The following POTEF variants were observed in gnomAD, a reference collection of about 807,000 sequenced individuals.
The protein encoded by POTEF is POTE ankyrin domain family member F, also known as ANKRD26-like family C member 1B.
In POTEF, 20 loss-of-function variants were observed where a neutral mutation model predicts 83.2. The observed-to-expected ratio is 0.24, with a 90% CI of 0.17 to 0.35. The LOEUF is 0.35. Among genes scored for constraint, POTEF ranks in the 10% least tolerant of loss-of-function variants. The pLI, the probability that POTEF is intolerant of heterozygous loss-of-function variation, is 1.00. For synonymous variants in POTEF, 196 were observed against 446.4 expected, an observed-to-expected ratio of 0.44 and a Z score of 7.07; for missense variants, 550 against 1,203.2, an observed-to-expected ratio of 0.46 and a Z score of 8.03.
At chr2:130,126,438 G>C (rs1393856644) in intron 2 of POTEF, among the ~76,000 whole-genome samples, 1 of 151,990 alleles carries the variant, frequency 6.6e-6, no homozygotes, top group Non-Finnish European at 1.5e-5. Flanking sequence ...ATATGTGAGA[G>C]AGATGAAATG....
chr2:130,103,114 T>G (rs1684419125), intron 8 of POTEF, among the ~76,000 whole-genome samples: 1 of 148,622 alleles, frequency 6.7e-6, no homozygotes, highest in African/African-American at 2.6e-5. Flanking sequence ...TTTTTTTTTT[T>G]TTTTTGAGCC....
intron 2 of POTEF, among the ~76,000 whole-genome samples, chr2:130,126,235 G>A (rs1225831226): frequency 7.6e-5 from 11 of 144,164 alleles, no homozygotes; most frequent in Non-Finnish European, 1.1e-4. Context: ...CCCAGGAAGC[G>A]GAGGTTGCAG....
At chr2:130,104,663 G>A (rs1444757753) in intron 8 of POTEF, among the ~76,000 whole-genome samples, 2 of 151,496 alleles carry the variant, frequency 1.3e-5, no homozygotes, top group African/African-American at 2.4e-5. Flanking sequence ...CTCCTTGCTC[G>A]CTCTTTTCTG....
chr2:130,117,497 T>A (rs1684872487), intron 3 of POTEF, among the ~76,000 whole-genome samples: 1 of 151,960 alleles, frequency 6.6e-6, no homozygotes, highest in Non-Finnish European at 1.5e-5. Flanking sequence ...AGAAACAAGT[T>A]TGATTATATT....
rs1364315822 is a variant in POTEF at position 130,093,681 on chromosome 2, AAAG to A, written c.1410-176_1410-174del. Among the ~76,000 whole-genome samples, 3 of 62,262 alleles carry A rather than the reference AAAG, an allele frequency of 4.8e-5. 1 individual carries two copies. In the East Asian group the frequency reaches 1.1e-3, roughly 23 times the overall value. 40.8% of individuals were successfully genotyped at this position (62,262 alleles called of 152,430 possible). A position where few individuals can be genotyped will look rare whatever the true frequency, so the allele number is the denominator to read the frequency against. ...CAAACTTCTCATGAAGCTTCTAATT[AAAG>A]AAGAAAAAAAAGTAAGATGAAATAC... On this transcript the variant is annotated intron_variant, in intron 11 of 16. Transcript: ENST00000409914.
At chr2:130,106,794 T>C (rs2104808752) in intron 8 of POTEF, among the ~76,000 whole-genome samples, 1 of 134,968 alleles carries the variant, frequency 7.4e-6, no homozygotes, top group Middle Eastern at 3.7e-3. Flanking sequence ...TAATTGTTTG[T>C]GGTCTATAGC....
chr2:130,121,181 A>G (rs2104829615), intron 2 of POTEF, among the ~76,000 whole-genome samples: 1 of 150,726 alleles, frequency 6.6e-6, no homozygotes, highest in East Asian at 2.0e-4. Flanking sequence ...CGTGGCACAG[A>G]CACTGGCCGA....
At chr2:130,111,391 C>G (rs536455191) in intron 6 of POTEF, among the ~76,000 whole-genome samples, 1 of 151,864 alleles carries the variant, frequency 6.6e-6, no homozygotes, top group African/African-American at 2.4e-5. Flanking sequence ...CCACTTAAAA[C>G]TATCTTCACT....
At chr2:130,126,763 C>T (rs571039249) in intron 2 of POTEF, among the ~76,000 whole-genome samples, 1 of 151,918 alleles carries the variant, frequency 6.6e-6, no homozygotes, top group African/African-American at 2.4e-5. Flanking sequence ...TTTAAAAATA[C>T]AACACAGTGA....
chr2:130,075,538 A>C lies in POTEF; in HGVS notation c.1934T>G (p.Leu645Trp), dbSNP rs752828451. The change falls in exon 17 of 17, where the codon TTG becomes TGG. Residue 645 changes from leucine (L) to tryptophan (W), a missense_variant. Leu to Trp is a moderately conservative substitution (Grantham distance 61, BLOSUM62 -2). Coordinates refer to ENST00000409914, the MANE Select transcript of POTEF (RefSeq NM_001099771.2). Reference protein sequence around the residue: ...SLSCKKEKDILHENSTLREEI... With the variant: ...SLSCKKEKDIWHENSTLREEI... Reference sequence around the variant, plus strand: ...TTCCCGCAACGTACTATTTTCATGCAAGATGTCTTTTTCTTTCTTACAACT... The same window carrying C: ...TTCCCGCAACGTACTATTTTCATGCCAGATGTCTTTTTCTTTCTTACAACT... The C allele has an allele frequency of 1.2e-5, 20 of 1,610,930 alleles. No individual in the cohort carries two copies. Among genetic ancestry groups the C allele is most frequent in the Non-Finnish European group, 1.7e-5 (20 of 1,179,648 alleles).
chr2:130,123,650 ATATCTAT>A (rs1487707235), intron 2 of POTEF, among the ~76,000 whole-genome samples: 1 of 151,868 alleles, frequency 6.6e-6, no homozygotes, highest in Admixed American at 6.5e-5. Flanking sequence ...AATAAAAAAC[ATATCTAT>A]TATCTAACAT....
Position 130,074,929 on chromosome 2 carries a change from G to C in POTEF, c.2543C>G (p.Thr848Ser). The change falls in exon 17 of 17, where the codon ACT (threonine) becomes AGT (serine). Residue 848 changes from threonine to serine, a missense_variant. Coordinates refer to ENST00000409914, the MANE Select transcript of POTEF (RefSeq NM_001099771.2). Reference protein sequence around the residue: ...AVLSLYTSGRTTGIVMDSGDG... With the variant: ...AVLSLYTSGRSTGIVMDSGDG... Reference sequence around the variant, plus strand: ...ACCAGAGTCCATCACGATGCCAGTAGTACGGCCAGAGGTGTACAGGGACAG... The same window carrying C: ...ACCAGAGTCCATCACGATGCCAGTACTACGGCCAGAGGTGTACAGGGACAG... The C allele has an allele frequency of 1.2e-6, 2 of 1,605,932 alleles. No individual in the cohort carries two copies. Among genetic ancestry groups the C allele is most frequent in the Non-Finnish European group, 1.7e-6 (2 of 1,177,870 alleles).
rs534526148 is a variant in POTEF at position 130,108,158 on chromosome 2, G to C, written c.1056-79C>G. Reference sequence around the variant, plus strand: ...AACTTACCAAATGTAGAATTATTAAGAGTATTTCAAACAATATCAGAATAA... The same window carrying C: ...AACTTACCAAATGTAGAATTATTAACAGTATTTCAAACAATATCAGAATAA... On this transcript the variant is annotated intron_variant, in intron 7 of 16. Transcript: ENST00000409914. 6.7e-6 allele frequency: 10 copies of C among 1,498,738 alleles called. No individual in the cohort carries two copies. The Admixed American group carries it at 1.3e-4, about 19-fold the overall frequency. 92.8% of individuals were successfully genotyped at this position (1,498,738 alleles called of 1,614,324 possible).
At chr2:130,108,804 AG>A (rs948663433) in intron 7 of POTEF, among the ~76,000 whole-genome samples, 2 of 148,776 alleles carry the variant, frequency 1.3e-5, no homozygotes, top group African/African-American at 5.0e-5. Context: ...AATCACACCA[AG>A]GGCAGAAAAA....
At position 130,079,188 on chromosome 2, in the gene POTEF, TCAAA is replaced by T. The variant is rs1287227849; in HGVS notation, c.1779-1991_1779-1988del. Among the ~76,000 whole-genome samples the T allele has an allele frequency of 2.3e-3, 312 of 133,338 alleles. 12 individuals carry two copies. The highest frequency in any genetic ancestry group is 8.7e-3 in the African/African-American group (286 of 32,802). The allele number at this position is 133,338 out of a possible 152,430, so 87.5% of individuals were successfully genotyped here. A position where few individuals can be genotyped will look rare whatever the true frequency, so the allele number is the denominator to read the frequency against. ...CTAATATCTATAACCTACAAGAAAC[TCAAA>T]CAAATCAACAGGAAAAACGCAAATA... On this transcript the variant is annotated intron_variant, in intron 15 of 16. Transcript: ENST00000409914.
At position 130,115,495 on chromosome 2, in the gene POTEF, G is replaced by A. The variant is rs578049733; in HGVS notation, c.522-167C>T. On this transcript the variant is annotated intron_variant, in intron 3 of 16. Coordinates refer to ENST00000409914, the MANE Select transcript of POTEF (RefSeq NM_001099771.2). The stretch of plus-strand genomic sequence containing the variant: ...CACTATTTATTATCTCTCATTGCTC[G>A]CTGTATTAATGAAAGGGCAGCCTAT... Among the ~76,000 whole-genome samples, 246 of 152,104 alleles carry A rather than the reference G, an allele frequency of 1.6e-3. 2 individuals carry two copies. Among genetic ancestry groups the A allele is most frequent in the African/African-American group, 5.8e-3 (241 of 41,456 alleles).
Position 130,104,843 on chromosome 2 carries a change from G to C in POTEF, c.1127-2663C>G, listed in dbSNP as rs565992428. Reference sequence around the variant, plus strand: ...ATTTATCATCAACTTTCAGATTCTTGGATCTTTGACAAGTCTTATTAGTGA... The same window carrying C: ...ATTTATCATCAACTTTCAGATTCTTCGATCTTTGACAAGTCTTATTAGTGA... On this transcript the variant is annotated intron_variant, in intron 8 of 16. Transcript: ENST00000409914. Among the ~76,000 whole-genome samples the C allele has an allele frequency of 1.5e-4, 23 of 151,272 alleles. No homozygotes were observed. The South Asian group carries it at 4.4e-3, about 29-fold the overall frequency.
At chr2:130,125,698 G>A (rs1685076010) in intron 2 of POTEF, among the ~76,000 whole-genome samples, 1 of 151,984 alleles carries the variant, frequency 6.6e-6, no homozygotes, top group African/African-American at 2.4e-5. Context: ...CTGAGGTCAG[G>A]TGTTCTAGGC....
chr2:130,100,884 A>C (rs545610473), intron 9 of POTEF, among the ~76,000 whole-genome samples, 164 bp from the exon 10 acceptor site: 6,893 of 146,350 alleles, frequency 0.047, 622 homozygotes, highest in African/African-American at 0.17. Flanking sequence ...AATAAATAAT[A>C]ATTAAAATTA....
Sources: gnomAD v4.1 joint callset for allele counts (sites outside exome capture counted in the v4.1 genomes callset) on GRCh38, gnomAD v4.1.1 for gene constraint, MANE v1.5 for transcripts, NCBI Gene and HGNC (gene_info 2026-07-23, HGNC 2026-07-21) for gene names.